HERPUD1: variants seen among roughly 807,000 people sequenced by gnomAD.
The protein encoded by HERPUD1 is homocysteine-responsive endoplasmic reticulum-resident ubiquitin-like domain member 1 protein.
Under a neutral mutation model 45.0 loss-of-function variants are expected in HERPUD1, and 17 were observed. That is an observed-to-expected ratio of 0.38 (90% CI 0.26 to 0.57). The LOEUF (loss-of-function observed/expected upper bound fraction) is 0.57. Among genes scored for constraint, HERPUD1 ranks in the 20% least tolerant of loss-of-function variants. The probability of loss-of-function intolerance (pLI) is 0.72; values close to 1 mark genes in which losing one functional copy is unlikely to be tolerated. For synonymous variants in HERPUD1, 164 were observed against 177.5 expected (o/e 0.92, Z 0.61); for missense variants, 420 against 490.5 (o/e 0.86, Z 1.36).
At chr16:56,932,956 C>T (rs1275546546) in intron 1 of HERPUD1, among the ~76,000 whole-genome samples, 5 of 152,336 alleles carry the variant, frequency 3.3e-5, no homozygotes, top group East Asian at 1.9e-4. Flanking sequence ...CACTTTCTGA[C>T]CAAGAGCGAC....
intron 6 of HERPUD1, 44 bp from the exon 7 acceptor site, chr16:56,942,088 C>A (rs1360104990): frequency 1.3e-6 from 2 of 1,494,582 alleles, no homozygotes; most frequent in Non-Finnish European, 9.3e-7. Flanking sequence ...GTAAGTCTCA[C>A]TGTGACATCA....
Position 56,937,618 on chromosome 16 carries a change from T to C in HERPUD1, c.431+801T>C, listed in dbSNP as rs201057276. On this transcript the variant is annotated intron_variant, in intron 4 of 7. Transcript: ENST00000439977. The stretch of plus-strand genomic sequence containing the variant: ...CATAGCTCATCTATTACCCTTTCCC[T>C]TTTTTTTAAAAAAAGAGTATTTAAA... Among the ~76,000 whole-genome samples the C allele has an allele frequency of 5.4e-3, 394 of 72,776 alleles. 4 individuals carry two copies. Among genetic ancestry groups the C allele is most frequent in the Admixed American group, 0.046 (319 of 6,990 alleles). The allele number at this position is 72,776 out of a possible 152,430, so 47.7% of individuals were successfully genotyped here. A position where few individuals can be genotyped will look rare whatever the true frequency, so the allele number is the denominator to read the frequency against.
intron 6 of HERPUD1, chr16:56,941,090 T>C (rs1431016608): frequency 1.3e-5 from 2 of 152,258 alleles, no homozygotes; most frequent in African/African-American, 4.8e-5. Context: ...CTAGATAAGC[T>C]ACCTTACCTT....
At chr16:56,934,702 CTTTTTTTTTTTTT>C (rs869088050) in intron 1 of HERPUD1, among the ~76,000 whole-genome samples, 5 of 59,862 alleles carry the variant, frequency 8.4e-5, no homozygotes, top group Admixed American at 2.3e-4. Context: ...ATTTGCCATT[CTTTTTTTTTTTTT>C]TTTTTTTTTT....
chr16:56,941,606 TAAA>T (rs1297110659), intron 6 of HERPUD1: 1 of 152,124 alleles, frequency 6.6e-6, no homozygotes, highest in African/African-American at 2.4e-5. Context: ...CTTTTAAAAA[TAAA>T]AAAGGAATAA....
At chr16:56,932,852 G>T (rs536144605) in intron 1 of HERPUD1, among the ~76,000 whole-genome samples, 7 of 152,206 alleles carry the variant, frequency 4.6e-5, no homozygotes, top group Admixed American at 1.3e-4. Flanking sequence ...GAAGCAGGAC[G>T]TGGCTCTTCT....
In HERPUD1 at chr16:56,936,708, C is replaced by G. The variant is rs781465309; in HGVS notation, c.322C>G (p.Pro108Ala). Residue 108 changes from proline (P) to alanine (A), a missense_variant, in exon 4 of 8, where the codon CCT becomes GCT. Transcript: ENST00000439977. ...TTAGGTGGCTGAATCCACAGAGGAG[C>G]CTGCTGGTTCTAATCGGGGACAGTA... ...NAKVAESTEE[P>A]AGSNRGQYPE... 1.5e-5 allele frequency: 25 copies of G among 1,613,066 alleles called. No homozygotes were observed. Among genetic ancestry groups the G allele is most frequent in the Non-Finnish European group, 2.1e-5 (25 of 1,179,494 alleles).
Position 56,932,167 on chromosome 16 carries a change from CAGAGATTGCGGGCGGCTG to C in HERPUD1, c.-74_-57del. ...GCCCCAGAGACGTGAACTGTCGTTG[CAGAGATTGCGGGCGGCTG>C]AGACGCCGCCTGCCTGGCACCTAGG... On this transcript the variant is annotated 5_prime_UTR_variant, in exon 1 of 8. Coordinates refer to ENST00000439977, the MANE Select transcript of HERPUD1 (RefSeq NM_014685.4). 6.4e-7 allele frequency: 1 copy of C among 1,563,298 alleles called. No homozygotes were observed. Among genetic ancestry groups the C allele is most frequent in the Non-Finnish European group, 8.6e-7 (1 of 1,161,418 alleles).
rs563551433 is a variant in HERPUD1 at position 56,942,837 on chromosome 16, T to G, written c.1012-289T>G. ...TCCAGCCTGGGTGACAGAGCGAGACTCTGTCTCAAAAATAATAATAATAGT... is the reference window on the plus strand; with the variant it reads ...TCCAGCCTGGGTGACAGAGCGAGACGCTGTCTCAAAAATAATAATAATAGT... On this transcript the variant is annotated intron_variant, in intron 7 of 7. Coordinates refer to ENST00000439977, the MANE Select transcript of HERPUD1 (RefSeq NM_014685.4). 5.3e-5 allele frequency among the ~76,000 whole-genome samples: 8 copies of G among 152,228 alleles called. No homozygotes were observed. The South Asian group carries it at 1.7e-3, about 32-fold the overall frequency.
In HERPUD1 at chr16:56,939,983, A is replaced by G. The variant is rs371595911; in HGVS notation, c.643A>G (p.Ile215Val). Residue 215 changes from isoleucine to valine, a missense_variant, in exon 6 of 8, where the codon ATT (isoleucine) becomes GTT (valine). Physicochemically the swap from Ile to Val is conservative, Grantham distance 29 (BLOSUM62 3). Coordinates refer to ENST00000439977, the MANE Select transcript of HERPUD1 (RefSeq NM_014685.4). ...GGTCTCTGCACCTGCTCCAGCCCCTATTCACAACCAGTTTCCAGCTGAAAA... is the reference window on the plus strand; with the variant it reads ...GGTCTCTGCACCTGCTCCAGCCCCTGTTCACAACCAGTTTCCAGCTGAAAA... ...PVVSAPAPAPIHNQFPAENQP... is the reference protein window; with the variant it reads ...PVVSAPAPAPVHNQFPAENQP... The G allele has an allele frequency of 3.1e-5, 50 of 1,614,232 alleles. No individual in the cohort carries two copies. In the South Asian group the frequency reaches 5.4e-4, roughly 17 times the overall value.
intron 1 of HERPUD1, among the ~76,000 whole-genome samples, chr16:56,934,038 A>G (rs547712382): frequency 6.6e-6 from 1 of 152,344 alleles, no homozygotes; most frequent in South Asian, 2.1e-4. Context: ...ATGTATATGG[A>G]TAAGTAGATG....
chr16:56,935,236 G>A lies in HERPUD1; in HGVS notation c.149G>A (p.Arg50His), dbSNP rs2217332. ...GTTACTCTTTCTTTCCATGATCAGC[G>A]TCCAGAGGACCAGAGGTTAATTTAT... ...HLSRVYPERP[R>H]PEDQRLIYSG... Residue 50 changes from arginine to histidine, a missense_variant and splice_region_variant, in exon 2 of 8, where the codon CGT becomes CAT. Arg to His is a conservative substitution (Grantham distance 29). Coordinates refer to ENST00000439977, the MANE Select transcript of HERPUD1 (RefSeq NM_014685.4). 229,915 of 1,607,832 alleles carry A rather than the reference G, an allele frequency of 0.14. 17,124 individuals are homozygous for A. Among genetic ancestry groups the A allele is most frequent in the South Asian group, 0.21 (18,668 of 90,892 alleles).
Position 56,939,940 on chromosome 16 carries a change from T to C in HERPUD1, c.600T>C (p.Ser200=). The C allele has an allele frequency of 6.2e-7, 1 of 1,614,002 alleles. No individual in the cohort carries two copies. Among genetic ancestry groups the C allele is most frequent in the Non-Finnish European group, 8.5e-7 (1 of 1,179,892 alleles). Reference sequence around the variant, plus strand: ...CAGGGGCTTTTGTTCCACCACCAAGTGCACAAGAGATACCTGTGGTCTCTG... The same window carrying C: ...CAGGGGCTTTTGTTCCACCACCAAGCGCACAAGAGATACCTGTGGTCTCTG... ...AASGAFVPPP[S]AQEIPVVSAP... is the part of the protein sequence containing the mutation. Residue 200 remains serine (S), a synonymous_variant, in exon 6 of 8, where the codon AGT becomes AGC. Transcript: ENST00000439977.
rs2055930788 is a variant in HERPUD1, at chr16:56,943,802, TTAAAC to T, written c.*516_*520del. The T allele has an allele frequency of 9.0e-6, 2 of 221,964 alleles. No homozygotes were observed. Among genetic ancestry groups the T allele is most frequent in the South Asian group, 1.1e-4 (1 of 8,792 alleles). 13.7% of individuals were successfully genotyped at this position (221,964 alleles called of 1,614,324 possible). On this transcript the variant is annotated 3_prime_UTR_variant, in exon 8 of 8. Coordinates refer to ENST00000439977, the MANE Select transcript of HERPUD1 (RefSeq NM_014685.4). ...GCTTTTTAAAATGCAGTGCTTTACT[TTAAAC>T]TAAGGGGAACTTTGCGGAGGTGAAA...
intron 3 of HERPUD1, chr16:56,935,926 A>ATT (rs572259191): frequency 1.3e-5 from 2 of 154,880 alleles, no homozygotes; most frequent in African/African-American, 2.5e-5. Context: ...TCTTTAAAGA[A>ATT]TTTTTTTTTT....
At position 56,932,152 on chromosome 16, in the gene HERPUD1, C is replaced by T. The variant is rs761263581; in HGVS notation, c.-93C>T. 14 of 1,547,246 alleles carry T rather than the reference C, an allele frequency of 9.0e-6. No individual in the cohort carries two copies. Among genetic ancestry groups the T allele is most frequent in the East Asian group, 4.8e-5 (2 of 41,754 alleles). ...GAAGCGGGGGCGCGCGCCCCAGAGA[C>T]GTGAACTGTCGTTGCAGAGATTGCG... is the stretch of plus-strand genomic sequence containing the variant. On this transcript the variant is annotated 5_prime_UTR_variant, in exon 1 of 8. In the 5' UTR this introduces an upstream ATG that the reference lacks. Transcript: ENST00000439977.
chr16:56,935,110 G>GT, intron 1 of HERPUD1, 125 bp from the exon 2 acceptor site: 1 of 675,468 alleles, frequency 1.5e-6, no homozygotes, highest in Non-Finnish European at 2.6e-6. Flanking sequence ...TTGAGAAAGT[G>GT]TTTTCCCGTG....
Position 56,942,120 on chromosome 16 carries a change from C to T in HERPUD1, c.906-12C>T. The T allele has an allele frequency of 6.2e-7, 1 of 1,606,426 alleles. No homozygotes were observed. Among genetic ancestry groups the T allele is most frequent in the South Asian group, 1.1e-5 (1 of 90,882 alleles). On this transcript the variant is annotated splice_polypyrimidine_tract_variant and intron_variant, in intron 6 of 7. Transcript: ENST00000439977. ...ATCAGCTAAGATGGACTTTTATGTG[C>T]TTCCTTTGAAGGCATCACGTTGGGT...
chr16:56,942,241 T>C lies in HERPUD1; in HGVS notation c.1011+4T>C, dbSNP rs1466829999. The C allele has an allele frequency of 1.9e-6, 3 of 1,604,192 alleles. No homozygotes were observed. Among genetic ancestry groups the C allele is most frequent in the African/African-American group, 1.3e-5 (1 of 74,728 alleles). On this transcript the variant is annotated splice_donor_region_variant and intron_variant, in intron 7 of 7. Transcript: ENST00000439977. ...GGACCCCAACAATAACTTACAGGTA[T>C]GGAGCCTCCCACGAAGCCCAGGCGA...
Sources: allele counts gnomAD v4.1 joint callset (sites outside exome capture counted in the v4.1 genomes callset), GRCh38; gene constraint gnomAD v4.1.1; transcripts MANE v1.5; gene names NCBI Gene and HGNC (gene_info 2026-07-23, HGNC 2026-07-21).